Variants in ERN2 observed in about 807,000 individuals in gnomAD.
ERN2 encodes endoplasmic reticulum to nucleus signaling 2.
A neutral mutation model predicts 107.9 loss-of-function variants in ERN2; 111 were observed. That is an observed-to-expected ratio of 1.03 (90% CI 0.88 to 1.20). ERN2 has a LOEUF of 1.20. ERN2 is among the 50% of genes most tolerant of loss of function. The pLI is 0.00. For missense variants in ERN2, 1,225 were observed against 1,197.9 expected (o/e 1.02, Z -0.33); for synonymous variants, 524 against 501.7 (o/e 1.04, Z -0.59).
At chr16:23,694,995 G>T in intron 16 of ERN2, 24 bp downstream of exon 16, 2 of 1,612,798 alleles carry the variant, frequency 1.2e-6, no homozygotes, top group African/African-American at 2.7e-5. Flanking sequence ...GACAGGGAGC[G>T]GGAGGCAGGG....
intron 14 of ERN2, 46 bp from the exon 15 acceptor site, chr16:23,695,435 C>G (rs1268805423): frequency 6.5e-7 from 1 of 1,529,922 alleles, no homozygotes; most frequent in African/African-American, 1.4e-5. Context: ...TCAGGGAAAG[C>G]AGATAAAGGG....
chr16:23,700,018 G>C (rs750024624), intron 13 of ERN2, among the ~76,000 whole-genome samples: 114 of 152,204 alleles, frequency 7.5e-4, no homozygotes, highest in Non-Finnish European at 1.3e-3. Flanking sequence ...TCTACACCCA[G>C]GTTCCTTGAA....
intron 4 of ERN2, chr16:23,709,959 C>G (rs192174814): frequency 1.3e-5 from 7 of 545,676 alleles, no homozygotes; most frequent in Non-Finnish European, 2.0e-5. Flanking sequence ...ATACCTCCAG[C>G]TTGATAGTCA....
intron 4 of ERN2, among the ~76,000 whole-genome samples, chr16:23,708,158 C>T (rs1960398911): frequency 6.6e-6 from 1 of 152,100 alleles, no homozygotes; most frequent in African/African-American, 2.4e-5. Context: ...TAGCTGCTCC[C>T]TCCCCAGCCT....
At position 23,702,259 on chromosome 16, in the gene ERN2, G is replaced by C. The variant is rs1048725597; in HGVS notation, c.1096C>G (p.Pro366Ala). The C allele has an allele frequency of 4.3e-6, 7 of 1,614,022 alleles. No homozygotes were observed. Among genetic ancestry groups the C allele is most frequent in the Non-Finnish European group, 5.9e-6 (7 of 1,180,044 alleles). ...AGCATGGTGGTGTGCAGGACTGGGG[G>C]TAGCTCGTGGTGTCCTAAGGTGGGG... is the stretch of plus-strand genomic sequence containing the variant. Reference protein sequence around the residue: ...QWLLIGHHELPPVLHTTMLRV... With the variant: ...QWLLIGHHELAPVLHTTMLRV... Residue 366 changes from proline to alanine, a missense_variant, in exon 11 of 22, where the codon CCC becomes GCC. Transcript: ENST00000256797.
In ERN2 at chr16:23,710,944, C is replaced by T. The variant is rs376009418; in HGVS notation, c.168G>A (p.Gln56=). 4.3e-6 allele frequency: 7 copies of T among 1,614,134 alleles called. No homozygotes were observed. Among genetic ancestry groups the T allele is most frequent in the Non-Finnish European group, 5.9e-6 (7 of 1,179,956 alleles). ...LDGSLHALSK[Q]TGDLKWTLRD... is the part of the protein sequence containing the mutation. ...TCAGAGTCCACTTCAGGTCCCCTGT[C>T]TGCTTGCTTAGTGCGTGGAGACTTC... The change falls in exon 2 of 22, where the codon CAG becomes CAA. Residue 56 remains glutamine, a synonymous_variant. Coordinates refer to ENST00000256797, the MANE Select transcript of ERN2 (RefSeq NM_033266.4).
intron 14 of ERN2, 33 bp downstream of exon 14, chr16:23,695,861 A>G (rs1203160800): frequency 6.4e-7 from 1 of 1,572,150 alleles, no homozygotes; most frequent in Non-Finnish European, 8.7e-7. Flanking sequence ...TGTGAGTGCC[A>G]TGTCCCCAGC....
chr16:23,707,338 G>A (rs1960361053), intron 4 of ERN2: 1 of 480,346 alleles, frequency 2.1e-6, no homozygotes, highest in East Asian at 4.0e-5. Flanking sequence ...ACAGCCTCTT[G>A]AGGAAATGCA....
chr16:23,698,814 C>A (rs1275382990), intron 13 of ERN2, among the ~76,000 whole-genome samples: 2 of 152,212 alleles, frequency 1.3e-5, no homozygotes, highest in African/African-American at 4.8e-5. Context: ...TCTCGAACCC[C>A]TGACCTCAAG....
rs1959554416 is a variant in ERN2, at chr16:23,690,837, C to G, written c.2775G>C (p.Gly925=). ...GTGTGGCATCCAGCCCACCTCACCT[C>G]CCTGTGGCCCCAGGGCATGGCCTCC... is the stretch of plus-strand genomic sequence containing the variant. The part of the protein sequence containing the change: ...EARRPCPGAT[G]R Residue 925 remains glycine, a synonymous_variant, in exon 22 of 22, where the codon GGG becomes GGC. Transcript: ENST00000256797. The G allele has an allele frequency of 6.2e-7, 1 of 1,610,708 alleles. No individual in the cohort carries two copies. The highest frequency in any genetic ancestry group is 8.5e-7 in the Non-Finnish European group (1 of 1,179,898).
At chr16:23,709,179 C>T (rs780242199) in intron 4 of ERN2, 3 of 455,568 alleles carry the variant, frequency 6.6e-6, no homozygotes, top group South Asian at 4.7e-5. Flanking sequence ...ACCTGTAGTT[C>T]CAGCTACTCA....
At chr16:23,702,066 T>C (rs1004643640) in intron 11 of ERN2, 86 bp downstream of exon 11, 39 of 1,420,114 alleles carry the variant, frequency 2.7e-5, no homozygotes, top group Middle Eastern at 2.6e-4. Context: ...GTGTTATTCT[T>C]AGCAGCCCGA....
Position 23,691,145 on chromosome 16 carries a change from C to T in ERN2, c.2552G>A (p.Arg851His), listed in dbSNP as rs1029799480. 5.6e-6 allele frequency: 9 copies of T among 1,613,928 alleles called. No homozygotes were observed. Among genetic ancestry groups the T allele is most frequent in the African/African-American group, 2.7e-5 (2 of 74,868 alleles). ...YKGTSVRDLL[R>H]AVRNKKHHYR... Reference sequence around the variant, plus strand: ...AACACATACCTTGTTCCTCACAGCACGGAGCAGGTCTCGCACTGATGTCCC... The same window carrying T: ...AACACATACCTTGTTCCTCACAGCATGGAGCAGGTCTCGCACTGATGTCCC... The change falls in exon 21 of 22, where the codon CGT becomes CAT. Residue 851 changes from arginine (R) to histidine (H), a missense_variant. Coordinates refer to ENST00000256797, the MANE Select transcript of ERN2 (RefSeq NM_033266.4).
rs1959733618 is a variant in ERN2 at position 23,694,836 on chromosome 16, G to A, written c.1992C>T (p.Cys664=). Residue 664 remains cysteine (C), a synonymous_variant, in exon 17 of 22, where the codon TGC becomes TGT. Coordinates refer to ENST00000256797, the MANE Select transcript of ERN2 (RefSeq NM_033266.4). ...TACAGCGGCCAGCAGGCAGCTTCTT[G>A]CAGAGGCCGAAGTCTGAGAGCACCA... ...GRVVLSDFGL[C]KKLPAGRCSF... The A allele has an allele frequency of 6.2e-7, 1 of 1,614,042 alleles. No homozygotes were observed. Among genetic ancestry groups the A allele is most frequent in the Non-Finnish European group, 8.5e-7 (1 of 1,180,024 alleles).
In ERN2 at chr16:23,694,844, C is replaced by CG. The variant is rs778759716; in HGVS notation, c.1983dup (p.Gly662ArgfsTer12). On this transcript the variant is annotated frameshift_variant, in exon 17 of 22. Transcript: ENST00000256797. LOFTEE classifies it high-confidence loss of function. The stretch of plus-strand genomic sequence containing the variant: ...CCAGCAGGCAGCTTCTTGCAGAGGC[C>CG]GAAGTCTGAGAGCACCACTCTGCCC... 1 of 1,614,156 alleles carries CG rather than the reference C, an allele frequency of 6.2e-7. No individual in the cohort carries two copies. The highest frequency in any genetic ancestry group is 8.5e-7 in the Non-Finnish European group (1 of 1,180,026).
rs75351656 is a variant in ERN2 at position 23,690,753 on chromosome 16, C to CCTGGAGGTCTTTT, written c.*77_*78insAAAAGACCTCCAG. 77 of 1,213,178 alleles carry CCTGGAGGTCTTTT rather than the reference C, an allele frequency of 6.3e-5. No homozygotes were observed. In the East Asian group the frequency reaches 1.9e-3, roughly 29 times the overall value. 75.2% of individuals were successfully genotyped at this position (1,213,178 alleles called of 1,614,324 possible). ...TACAGGTGTGAGCCACTGCACCCAGCCTGATTCTGAGGCCAGCCACAGGCT... is the reference window on the plus strand; with the variant it reads ...TACAGGTGTGAGCCACTGCACCCAGCCTGGAGGTCTTTTCTGATTCTGAGGCCAGCCACAGGCT... On this transcript the variant is annotated 3_prime_UTR_variant, in exon 22 of 22. Transcript: ENST00000256797.
At chr16:23,711,979 A>G (rs1960563473) in intron 1 of ERN2, 1 of 428,314 alleles carries the variant, frequency 2.3e-6, no homozygotes, top group African/African-American at 2.0e-5. Flanking sequence ...ACATCTGGCG[A>G]TCCTGGGCTC....
Position 23,690,916 on chromosome 16 carries a change from C to T in ERN2, c.2696G>A (p.Ser899Asn). Residue 899 changes from serine to asparagine, a missense_variant, in exon 22 of 22, where the codon AGC (serine) becomes AAC (asparagine). Ser to Asn is a conservative substitution (Grantham distance 46). Transcript: ENST00000256797. ...CAGGAAGAGGCTCTCAGAGGCGCAG[C>T]TCCTCATGGCTCGGTGCGTGTGGAG... ...LLLHTHRAMR[S>N]CASESLFLPY... The T allele has an allele frequency of 1.9e-6, 3 of 1,614,056 alleles. No homozygotes were observed. The highest frequency in any genetic ancestry group is 2.5e-6 in the Non-Finnish European group (3 of 1,180,032).
intron 2 of ERN2, 40 bp downstream of exon 2, chr16:23,710,873 T>A: frequency 7.1e-7 from 1 of 1,400,962 alleles, no homozygotes; most frequent in South Asian, 1.2e-5. Flanking sequence ...TTCACCAATC[T>A]ATGGGCCCAA....
Sources: allele counts gnomAD v4.1 joint callset (sites outside exome capture counted in the v4.1 genomes callset), GRCh38; gene constraint gnomAD v4.1.1; transcripts MANE v1.5; gene names NCBI Gene and HGNC (gene_info 2026-07-23, HGNC 2026-07-21).